KHSRP: variants seen among roughly 807,000 people sequenced by gnomAD.
KHSRP encodes the protein KH-type splicing regulatory protein, also known as far upstream element-binding protein 2.
A neutral mutation model predicts 94.9 loss-of-function variants in KHSRP; 13 were observed. That is an observed-to-expected ratio of 0.14 (90% CI 0.09 to 0.22). KHSRP has a LOEUF of 0.22. KHSRP is among the 10% of genes least tolerant of loss of function. KHSRP has a pLI of 1.00. For synonymous variants in KHSRP, 495 were observed against 401.4 expected, an observed-to-expected ratio of 1.23 and a Z score of -2.79; for missense variants, 710 against 1,010.0, an observed-to-expected ratio of 0.70 and a Z score of 4.03.
chr19:6,418,449 C>T lies in KHSRP; in HGVS notation c.879+34G>A, dbSNP rs147468770. 566 of 1,560,600 alleles carry T rather than the reference C, an allele frequency of 3.6e-4. No homozygotes were observed. In the African/African-American group the frequency reaches 7.1e-3, roughly 20 times the overall value. On this transcript the variant is annotated intron_variant, in intron 9 of 18. Transcript: ENST00000600480. The surrounding 1 kb of genome is among the most constrained non-coding windows in gnomAD (Gnocchi z 4.3). ...CCCTGCCCACCTGCCCGTGCCTCTC[C>T]AGAACCCCCTCCACCACCCCAGGGC...
At chr19:6,419,373 T>G in intron 6 of KHSRP, 113 bp from the exon 7 acceptor site, 1 of 902,124 alleles carries the variant, frequency 1.1e-6, no homozygotes, top group East Asian at 2.8e-5. Flanking sequence ...TCCCATTCAG[T>G]GCCTGACAGA....
rs762813481 is a variant in KHSRP, at chr19:6,418,622, G to T, written c.781-41C>A. The T allele has an allele frequency of 1.2e-6, 2 of 1,613,052 alleles. No individual in the cohort carries two copies. Among genetic ancestry groups the T allele is most frequent in the African/African-American group, 2.7e-5 (2 of 74,932 alleles). On this transcript the variant is annotated intron_variant, in intron 8 of 18. Transcript: ENST00000600480. This position sits in a 1 kb window ranked among gnomAD's most constrained non-coding sequence, Gnocchi z 4.3. ...TAACCGTTAGTGCTGGGCTCTCCCA[G>T]GACTTCCTGGGCTGCTGTGGTGGTG...
Position 6,424,774 on chromosome 19 carries a change from G to C in KHSRP, c.-73C>G. 1.7e-6 allele frequency: 1 copy of C among 579,140 alleles called. No individual in the cohort carries two copies. The highest frequency in any genetic ancestry group is 2.2e-6 in the Non-Finnish European group (1 of 451,292). The allele number at this position is 579,140 out of a possible 1,614,324, so 35.9% of individuals were successfully genotyped here. A position where few individuals can be genotyped will look rare whatever the true frequency, so the allele number is the denominator to read the frequency against. On this transcript the variant is annotated 5_prime_UTR_variant, in exon 1 of 19. Transcript: ENST00000600480. ...GCGGCGGCGGCGGCGGCTCAACGCG[G>C]GAACAAGGCCTCGCTCCACACGGCC...
chr19:6,419,754 T>C (rs565483369), intron 6 of KHSRP, among the ~76,000 whole-genome samples: 1 of 152,314 alleles, frequency 6.6e-6, no homozygotes, highest in African/African-American at 2.4e-5. Flanking sequence ...TCTCACGCAG[T>C]CTTGCCGGGG....
chr19:6,414,407 G>A lies in KHSRP; in HGVS notation c.*617C>T. 1 of 1,283,856 alleles carries A rather than the reference G, an allele frequency of 7.8e-7. No individual in the cohort carries two copies. The highest frequency in any genetic ancestry group is 9.9e-7 in the Non-Finnish European group (1 of 1,014,364). 79.5% of individuals were successfully genotyped at this position (1,283,856 alleles called of 1,614,324 possible). A position where few individuals can be genotyped will look rare whatever the true frequency, so the allele number is the denominator to read the frequency against. On this transcript the variant is annotated 3_prime_UTR_variant, in exon 19 of 19. Transcript: ENST00000600480. ...GCTAGGGTCGTAGGGGAGCTGCCCT[G>A]TCTCCGGAGGGCGGTGGCTCCCGGC...
At position 6,419,268 on chromosome 19, in the gene KHSRP, G is replaced by A. The variant is rs2092180013; in HGVS notation, c.548-8C>T. On this transcript the variant is annotated splice_region_variant and splice_polypyrimidine_tract_variant and intron_variant, in intron 6 of 18. Coordinates refer to ENST00000600480, the MANE Select transcript of KHSRP (RefSeq NM_001366299.1). ...CGGGTAGGCCACCGCTGTCTGAAAA[G>A]AGGAGATAGAGTCAGTGCCCTCCCT... is the stretch of plus-strand genomic sequence containing the variant. The A allele has an allele frequency of 6.4e-7, 1 of 1,563,216 alleles. No individual in the cohort carries two copies. The highest frequency in any genetic ancestry group is 2.4e-5 in the East Asian group (1 of 42,106).
chr19:6,417,417 G>A (rs1039611385), intron 11 of KHSRP, among the ~76,000 whole-genome samples: 10 of 152,228 alleles, frequency 6.6e-5, no homozygotes, highest in African/African-American at 2.2e-4. Context: ...CTGAGGACTG[G>A]CAAGAGCCCA....
Position 6,415,893 on chromosome 19 carries a change from G to T in KHSRP, c.1602C>A (p.Ala534=). 1 of 1,514,044 alleles carries T rather than the reference G, an allele frequency of 6.6e-7. No individual in the cohort carries two copies. Among genetic ancestry groups the T allele is most frequent in the Non-Finnish European group, 8.9e-7 (1 of 1,129,756 alleles). 93.8% of individuals were successfully genotyped at this position (1,514,044 alleles called of 1,614,324 possible). ...GGTACTGGTGAGGAGGGGGCCCCCC[G>T]GCACTGCAGGAGAGAAGAAAGGGAT... ...NQGPPGAPPH[A]GGPPPHQYPP... Residue 534 remains alanine, a synonymous_variant, in exon 16 of 19, where the codon GCC becomes GCA. Transcript: ENST00000600480.
In KHSRP at chr19:6,420,476, A is replaced by T. The variant is rs769257788; in HGVS notation, c.426-5T>A. On this transcript the variant is annotated splice_region_variant and splice_polypyrimidine_tract_variant and intron_variant, in intron 4 of 18. Coordinates refer to ENST00000600480, the MANE Select transcript of KHSRP (RefSeq NM_001366299.1). ...TACTCTTCTGTCATTGAAGTCCTGTAAAGAGACACGCCAAAGGTCAGTCCT... is the reference window on the plus strand; with the variant it reads ...TACTCTTCTGTCATTGAAGTCCTGTTAAGAGACACGCCAAAGGTCAGTCCT... 6.2e-7 allele frequency: 1 copy of T among 1,613,858 alleles called. No homozygotes were observed. The highest frequency in any genetic ancestry group is 1.7e-4 in the Middle Eastern group (1 of 6,060).
chr19:6,414,815 G>A lies in KHSRP; in HGVS notation c.*209C>T, dbSNP rs919337478. ...GCGGCCGGGCCGGTGCCCACCGTCC[G>A]CGCTGTCTGCCTGCCCCCCGACTCC... On this transcript the variant is annotated 3_prime_UTR_variant, in exon 19 of 19. Coordinates refer to ENST00000600480, the MANE Select transcript of KHSRP (RefSeq NM_001366299.1). The A allele has an allele frequency of 1.9e-4, 233 of 1,212,240 alleles. No individual in the cohort carries two copies. Among genetic ancestry groups the A allele is most frequent in the East Asian group, 7.5e-4 (19 of 25,424 alleles). 75.1% of individuals were successfully genotyped at this position (1,212,240 alleles called of 1,614,324 possible). A position where few individuals can be genotyped will look rare whatever the true frequency, so the allele number is the denominator to read the frequency against.
Position 6,414,071 on chromosome 19 carries a change from A to C in KHSRP, c.*953T>G. On this transcript the variant is annotated 3_prime_UTR_variant, in exon 19 of 19. Transcript: ENST00000600480. ...CCCAAACAGAACAAAATGGAAAAAA[A>C]AAAGATTTTTCACAGATGAAGAAGT... 3.7e-6 allele frequency: 6 copies of C among 1,602,254 alleles called. No individual in the cohort carries two copies. Among genetic ancestry groups the C allele is most frequent in the Non-Finnish European group, 5.1e-6 (6 of 1,175,486 alleles).
At chr19:6,422,033 C>G (rs1448455499) in intron 2 of KHSRP, among the ~76,000 whole-genome samples, 2 of 152,152 alleles carry the variant, frequency 1.3e-5, no homozygotes, top group Non-Finnish European at 2.9e-5. Flanking sequence ...CTACGCACCC[C>G]AGAGCTGGGC....
chr19:6,420,198 G>A (rs758021907), intron 5 of KHSRP, 54 bp from the exon 6 acceptor site: 31 of 1,506,160 alleles, frequency 2.1e-5, no homozygotes, highest in Admixed American at 3.6e-5. Flanking sequence ...GGGAGCCCAG[G>A]CCTCAGGAGA....
chr19:6,421,818 A>G (rs890041258), intron 2 of KHSRP, 130 bp from the exon 3 acceptor site: 5 of 1,035,586 alleles, frequency 4.8e-6, no homozygotes, highest in Non-Finnish European at 7.3e-6. Context: ...CTGAGACAGG[A>G]GCCCAGGAGA....
At position 6,421,704 on chromosome 19, in the gene KHSRP, G is replaced by A; in HGVS notation, c.347-16C>T. 1.2e-6 allele frequency: 2 copies of A among 1,613,822 alleles called. No individual in the cohort carries two copies. Among genetic ancestry groups the A allele is most frequent in the Non-Finnish European group, 1.7e-6 (2 of 1,179,866 alleles). ...TCCGGTTGATCTGGGAAAGAGAGAG[G>A]ATGGCAGATGCAGCACCCACCCACC... On this transcript the variant is annotated splice_polypyrimidine_tract_variant and intron_variant, in intron 2 of 18. Coordinates refer to ENST00000600480, the MANE Select transcript of KHSRP (RefSeq NM_001366299.1).
At position 6,413,640 on chromosome 19, in the gene KHSRP, C is replaced by CT. The variant is rs375598365; in HGVS notation, c.*1383dup. 1.0e-3 allele frequency: 165 copies of CT among 157,792 alleles called. No homozygotes were observed. The highest frequency in any genetic ancestry group is 3.5e-3 in the South Asian group (27 of 7,622). The allele number at this position is 157,792 out of a possible 1,614,324, so 9.8% of individuals were successfully genotyped here. A position where few individuals can be genotyped will look rare whatever the true frequency, so the allele number is the denominator to read the frequency against. On this transcript the variant is annotated 3_prime_UTR_variant, in exon 19 of 19. Transcript: ENST00000600480. Reference sequence around the variant, plus strand: ...TAAAAAAAAGAAATAGCAAGAGTGACTTTTTTTTTTCCTTTTTAAAAGTTT... The same window carrying CT: ...TAAAAAAAAGAAATAGCAAGAGTGACTTTTTTTTTTTCCTTTTTAAAAGTTT...
chr19:6,417,427 A>G (rs2092156562), intron 11 of KHSRP, among the ~76,000 whole-genome samples: 1 of 152,250 alleles, frequency 6.6e-6, no homozygotes. Flanking sequence ...GCAAGAGCCC[A>G]GAGCTGAGGT....
At chr19:6,423,785 G>A (rs913108610) in intron 1 of KHSRP, among the ~76,000 whole-genome samples, 3 of 152,216 alleles carry the variant, frequency 2.0e-5, no homozygotes, top group Admixed American at 6.5e-5. Context: ...AATGGAGCTG[G>A]AGAGGTCAGT....
intron 16 of KHSRP, 31 bp downstream of exon 16, chr19:6,415,777 C>A (rs762045989): frequency 6.4e-7 from 1 of 1,553,490 alleles, no homozygotes; most frequent in Non-Finnish European, 8.7e-7. Flanking sequence ...CAGAACAGGG[C>A]CTGCCCTCCG....
Sources: allele counts gnomAD v4.1 joint callset (sites outside exome capture counted in the v4.1 genomes callset), GRCh38; gene constraint gnomAD v4.1.1; non-coding constraint Gnocchi (gnomAD v3.1); transcripts MANE v1.5; gene names NCBI Gene and HGNC (gene_info 2026-07-23, HGNC 2026-07-21).